The following ESYT1 variants were observed in gnomAD, a reference collection of about 807,000 sequenced individuals.
ESYT1 encodes extended synaptotagmin-1.
A neutral mutation model predicts 154.2 loss-of-function variants in ESYT1; 116 were observed. That is an observed-to-expected ratio of 0.75 (90% CI 0.65 to 0.88). The LOEUF is 0.88. Ranked by LOEUF, ESYT1 falls within the 40% of genes least tolerant of loss-of-function variation. ESYT1 has a pLI of 0.00. For synonymous variants in ESYT1, 500 were observed against 539.9 expected, an observed-to-expected ratio of 0.93 and a Z score of 1.02; for missense variants, 1,264 against 1,379.3, an observed-to-expected ratio of 0.92 and a Z score of 1.32.
At chr12:56,137,143 T>C (rs1211864929) in intron 16 of ESYT1, 75 bp from the exon 17 acceptor site, 3 of 1,573,070 alleles carry the variant, frequency 1.9e-6, no homozygotes, top group Admixed American at 1.7e-5. Context: ...GCCCCTCCTC[T>C]ACCCCACCCC....
At position 56,128,617 on chromosome 12, in the gene ESYT1, C is replaced by T. The variant is rs763144817; in HGVS notation, c.298C>T (p.Arg100Trp). The change falls in exon 1 of 31, where the codon CGG becomes TGG. Residue 100 changes from arginine to tryptophan, a missense_variant. Transcript: ENST00000394048. ...GCGCCGGGTCCGCGACGAGAAAGAA[C>T]GGAGCCTTCGAGCAGCGAGGCAGCT... The part of the protein sequence containing the change: ...GWRRVRDEKE[R>W]SLRAARQLLD... 6 of 1,614,046 alleles carry T rather than the reference C, an allele frequency of 3.7e-6. No homozygotes were observed. In the African/African-American group the frequency reaches 4.0e-5, roughly 11 times the overall value.
In ESYT1 at chr12:56,131,294, A is replaced by G; in HGVS notation, c.692A>G (p.Lys231Arg). 6.2e-7 allele frequency: 1 copy of G among 1,614,192 alleles called. No individual in the cohort carries two copies. The highest frequency in any genetic ancestry group is 8.5e-7 in the Non-Finnish European group (1 of 1,180,040). The change falls in exon 5 of 31, where the codon AAA (lysine) becomes AGA (arginine). Residue 231 changes from lysine to arginine, a missense_variant. Lys to Arg is a conservative substitution (Grantham distance 26). Transcript: ENST00000394048. ...IDVEVKKYFC[K>R]AGVKGMQLHG... Reference sequence around the variant, plus strand: ...GTGGAAGTGAAGAAATATTTTTGCAAAGCAGGAGTCAAGGGCATGCAGGTA... The same window carrying G: ...GTGGAAGTGAAGAAATATTTTTGCAGAGCAGGAGTCAAGGGCATGCAGGTA...
rs980559689 is a variant in ESYT1 at position 56,143,076 on chromosome 12, C to A, written c.3047C>A (p.Pro1016Gln). ...PDPYVSLLLLPDKNRGTKRRT... is the reference protein window; with the variant it reads ...PDPYVSLLLLQDKNRGTKRRT... ...CCCTATGTGTCACTGTTGCTACTGC[C>A]AGACAAGAACCGAGGCACCAAGAGG... Residue 1016 changes from proline (P) to glutamine (Q), a missense_variant, in exon 28 of 31, where the codon CCA becomes CAA. Coordinates refer to ENST00000394048, the MANE Select transcript of ESYT1 (RefSeq NM_015292.3). 1.2e-6 allele frequency: 2 copies of A among 1,614,054 alleles called. No homozygotes were observed. Among genetic ancestry groups the A allele is most frequent in the Non-Finnish European group, 1.7e-6 (2 of 1,180,050 alleles).
rs777098373 is a variant in ESYT1 at position 56,136,727 on chromosome 12, T to G, written c.1633-17T>G. The stretch of plus-strand genomic sequence containing the variant: ...CCCCTAATCCCTTCACTACAGTCCT[T>G]CCTCCTGTGCCTGTAGGTGAAGGAT... On this transcript the variant is annotated splice_polypyrimidine_tract_variant and intron_variant, in intron 15 of 30. Transcript: ENST00000394048. The G allele has an allele frequency of 3.2e-6, 5 of 1,584,952 alleles. No homozygotes were observed. Among genetic ancestry groups the G allele is most frequent in the African/African-American group, 1.4e-5 (1 of 73,904 alleles).
chr12:56,138,458 G>T lies in ESYT1; in HGVS notation c.2392G>T (p.Ala798Ser). Residue 798 changes from alanine (A) to serine (S), a missense_variant, in exon 22 of 31, where the codon GCC (alanine) becomes TCC (serine). Ala to Ser is a moderately conservative substitution (Grantham distance 99). Coordinates refer to ENST00000394048, the MANE Select transcript of ESYT1 (RefSeq NM_015292.3). ...TCAGAAGAGTGCGGAGCTGGCTGCGGCCCTGCTATCCATCTATATGGAGCG... is the reference window on the plus strand; with the variant it reads ...TCAGAAGAGTGCGGAGCTGGCTGCGTCCCTGCTATCCATCTATATGGAGCG... ...QTQKSAELAAALLSIYMERAE... is the reference protein window; with the variant it reads ...QTQKSAELAASLLSIYMERAE... The T allele has an allele frequency of 6.2e-7, 1 of 1,612,656 alleles. No individual in the cohort carries two copies.
chr12:56,130,756 T>A lies in ESYT1; in HGVS notation c.433-35T>A, dbSNP rs1413561073. 5.0e-6 allele frequency: 8 copies of A among 1,613,274 alleles called. No homozygotes were observed. The Admixed American group carries it at 1.3e-4, about 27-fold the overall frequency. ...AGGAACTTGCCTTGAGAGGGAAGAC[T>A]GGACTCTCCTCTGACCATCTCTCTT... On this transcript the variant is annotated intron_variant, in intron 2 of 30. Coordinates refer to ENST00000394048, the MANE Select transcript of ESYT1 (RefSeq NM_015292.3).
chr12:56,134,112 G>A lies in ESYT1; in HGVS notation c.1476G>A (p.Leu492=). 6.2e-7 allele frequency: 1 copy of A among 1,614,098 alleles called. No homozygotes were observed. Among genetic ancestry groups the A allele is most frequent in the Non-Finnish European group, 8.5e-7 (1 of 1,179,986 alleles). The part of the protein sequence containing the change: ...VYLDRAQDLP[L]KKGNKEPNPM... ...CCTCTGAATTGTACCCACCACAGCT[G>A]AAGAAGGGGAACAAGGAACCCAACC... is the stretch of plus-strand genomic sequence containing the variant. The change falls in exon 14 of 31, where the codon CTG becomes CTA. Residue 492 remains leucine, a splice_region_variant and synonymous_variant. Transcript: ENST00000394048.
intron 7 of ESYT1, 106 bp downstream of exon 7, chr12:56,131,910 A>G (rs1870251132): frequency 2.5e-6 from 3 of 1,218,160 alleles, no homozygotes; most frequent in Non-Finnish European, 3.6e-6. Flanking sequence ...AGGAGCCTCA[A>G]CTTCATTTGG....
chr12:56,137,300 C>T lies in ESYT1; in HGVS notation c.1865C>T (p.Pro622Leu). Reference sequence around the variant, plus strand: ...GCTTGGGACGTGGACAGTGAGAATCCCCAGAGAGGCAGCAGTGTGGATGCC... The same window carrying T: ...GCTTGGGACGTGGACAGTGAGAATCTCCAGAGAGGCAGCAGTGTGGATGCC... The part of the protein sequence containing the change: ...PGAWDVDSEN[P>L]QRGSSVDAPP... The change falls in exon 17 of 31, where the codon CCC becomes CTC. Residue 622 changes from proline to leucine, a missense_variant. Transcript: ENST00000394048. The T allele has an allele frequency of 1.2e-6, 2 of 1,614,146 alleles. No individual in the cohort carries two copies. Among genetic ancestry groups the T allele is most frequent in the South Asian group, 2.2e-5 (2 of 91,086 alleles).
At chr12:56,129,074 C>T (rs920101750) in intron 1 of ESYT1, among the ~76,000 whole-genome samples, 8 of 152,166 alleles carry the variant, frequency 5.3e-5, no homozygotes, top group Non-Finnish European at 7.4e-5. Flanking sequence ...CTTTGCTGCT[C>T]CTGGAAATCC....
Position 56,131,792 on chromosome 12 carries a change from T to C in ESYT1, c.848T>C (p.Ile283Thr). The C allele has an allele frequency of 1.9e-6, 3 of 1,614,154 alleles. No homozygotes were observed. Among genetic ancestry groups the C allele is most frequent in the Non-Finnish European group, 1.7e-6 (2 of 1,180,036 alleles). Reference protein sequence around the residue: ...NWTGMTNLLDIPGLSSLSDTM... With the variant: ...NWTGMTNLLDTPGLSSLSDTM... Reference sequence around the variant, plus strand: ...ACAGGGATGACCAACCTGCTGGATATCCCAGGACTTAGGTATCAAGGACTT... The same window carrying C: ...ACAGGGATGACCAACCTGCTGGATACCCCAGGACTTAGGTATCAAGGACTT... The change falls in exon 7 of 31, where the codon ATC (isoleucine) becomes ACC (threonine). Residue 283 changes from isoleucine to threonine, a missense_variant. Transcript: ENST00000394048.
chr12:56,137,243 T>C lies in ESYT1; in HGVS notation c.1808T>C (p.Ile603Thr). ...ATCCTGTACTTGGATTCATCAGAAA[T>C]ATGCTTCCCCACGGTGCCTGGTTGT... Reference protein sequence around the residue: ...MRILYLDSSEICFPTVPGCPG... With the variant: ...MRILYLDSSETCFPTVPGCPG... The change falls in exon 17 of 31, where the codon ATA (isoleucine) becomes ACA (threonine). Residue 603 changes from isoleucine (I) to threonine (T), a missense_variant. Physicochemically the swap from Ile to Thr is moderately conservative, Grantham distance 89. Coordinates refer to ENST00000394048, the MANE Select transcript of ESYT1 (RefSeq NM_015292.3). The C allele has an allele frequency of 6.2e-7, 1 of 1,614,180 alleles. No homozygotes were observed. Among genetic ancestry groups the C allele is most frequent in the Non-Finnish European group, 8.5e-7 (1 of 1,180,028 alleles).
Position 56,143,840 on chromosome 12 carries a change from A to G in ESYT1, c.3293A>G (p.Asn1098Ser). 6.2e-7 allele frequency: 1 copy of G among 1,613,982 alleles called. No individual in the cohort carries two copies. The highest frequency in any genetic ancestry group is 8.5e-7 in the Non-Finnish European group (1 of 1,179,902). The change falls in exon 31 of 31, where the codon AAC becomes AGC. Residue 1098 changes from asparagine to serine, a missense_variant. Coordinates refer to ENST00000394048, the MANE Select transcript of ESYT1 (RefSeq NM_015292.3). ...GVARWYDLMD[N>S]KDKGSS ...TTTCACAGGTATGACCTGATGGACA[A>G]CAAGGACAAGGGCAGCTCCTAGGAG...
chr12:56,137,943 C>A (rs1196009029), intron 19 of ESYT1, 29 bp downstream of exon 19: 7 of 1,613,548 alleles, frequency 4.3e-6, no homozygotes, highest in Non-Finnish European at 5.9e-6. Context: ...ACGTGAAAAA[C>A]AGGCTGGGGC....
At position 56,138,750 on chromosome 12, in the gene ESYT1, A is replaced by T. The variant is rs769600223; in HGVS notation, c.2434-18A>T. Reference sequence around the variant, plus strand: ...AACTAGGTCCAAATTTAAGACTAACACAGTATTGTCTTTCTAGCTGCGAAA... The same window carrying T: ...AACTAGGTCCAAATTTAAGACTAACTCAGTATTGTCTTTCTAGCTGCGAAA... On this transcript the variant is annotated intron_variant, in intron 22 of 30. Transcript: ENST00000394048. 6.2e-7 allele frequency: 1 copy of T among 1,611,612 alleles called. No homozygotes were observed.
intron 24 of ESYT1, among the ~76,000 whole-genome samples, chr12:56,140,820 C>T (rs1181468475): frequency 6.6e-6 from 1 of 152,148 alleles, no homozygotes; most frequent in Non-Finnish European, 1.5e-5. Flanking sequence ...CGACTAAAGC[C>T]TGATGGGATT....
At position 56,131,481 on chromosome 12, in the gene ESYT1, A is replaced by G. The variant is rs1252270224; in HGVS notation, c.719A>G (p.His240Arg). Residue 240 changes from histidine (H) to arginine (R), a missense_variant, in exon 6 of 31, where the codon CAT becomes CGT. His to Arg is a conservative substitution (Grantham distance 29). Transcript: ENST00000394048. ...GATTTTCTCTTCTTGCCTCAGCTACATGGCGTTTTGCGGGTGATACTGGAG... is the reference window on the plus strand; with the variant it reads ...GATTTTCTCTTCTTGCCTCAGCTACGTGGCGTTTTGCGGGTGATACTGGAG... ...CKAGVKGMQL[H>R]GVLRVILEPL... The G allele has an allele frequency of 3.1e-6, 5 of 1,614,036 alleles. No homozygotes were observed. Among genetic ancestry groups the G allele is most frequent in the South Asian group, 2.2e-5 (2 of 91,090 alleles).
At chr12:56,130,192 C>T (rs1995742) in intron 1 of ESYT1, 269,497 of 280,312 alleles carry the variant, frequency 0.96, 130,389 homozygotes, top group East Asian at 1. Flanking sequence ...ATTACAGATG[C>T]GAGCCACCGC....
In ESYT1 at chr12:56,132,761, G is replaced by C. The variant is rs778725857; in HGVS notation, c.1204G>C (p.Val402Leu). The C allele has an allele frequency of 3.1e-6, 5 of 1,614,160 alleles. No homozygotes were observed. The Admixed American group carries it at 6.7e-5, about 22-fold the overall frequency. The change falls in exon 10 of 31, where the codon GTG becomes CTG. Residue 402 changes from valine (V) to leucine (L), a missense_variant. By Grantham distance (32) the Val-to-Leu change is conservative. Coordinates refer to ENST00000394048, the MANE Select transcript of ESYT1 (RefSeq NM_015292.3). ...CCCAGGGCAGGAGATTGAAGTGGAG[G>C]TGTTCGACAAGGATCCAGATAAAGA... is the stretch of plus-strand genomic sequence containing the variant. ...EVPGQEIEVE[V>L]FDKDPDKDDF...
Sources: gnomAD v4.1 joint callset for allele counts (sites outside exome capture counted in the v4.1 genomes callset) on GRCh38, gnomAD v4.1.1 for gene constraint, MANE v1.5 for transcripts, NCBI Gene and HGNC (gene_info 2026-07-23, HGNC 2026-07-21) for gene names.